The following ALPK2 variants were observed in gnomAD, a reference collection of about 807,000 sequenced individuals.
ALPK2 encodes the protein alpha kinase 2.
Under a neutral mutation model 163.1 loss-of-function variants are expected in ALPK2, and 127 were observed. That is an observed-to-expected ratio of 0.78 (90% CI 0.67 to 0.90). The LOEUF is 0.90. Ranked by LOEUF, ALPK2 falls within the 40% of genes least tolerant of loss-of-function variation. The pLI is 0.00. For missense variants in ALPK2, 2,360 were observed against 2,589.6 expected, an observed-to-expected ratio of 0.91 and a Z score of 1.92; for synonymous variants, 953 against 959.1, an observed-to-expected ratio of 0.99 and a Z score of 0.12.
chr18:58,626,243 C>T (rs941849937), intron 1 of ALPK2, among the ~76,000 whole-genome samples: 1 of 152,142 alleles, frequency 6.6e-6, no homozygotes, highest in Admixed American at 6.5e-5. Context: ...CCCACAAGCC[C>T]GCTTGTGAAT....
intron 12 of ALPK2, among the ~76,000 whole-genome samples, chr18:58,493,749 T>C (rs558556596): frequency 9.9e-5 from 15 of 152,148 alleles, no homozygotes; most frequent in South Asian, 4.1e-4. Context: ...AAGCCACACA[T>C]CCTTAAGCCT....
chr18:58,600,093 G>C (rs1021122984), intron 3 of ALPK2, among the ~76,000 whole-genome samples: 2 of 136,878 alleles, frequency 1.5e-5, no homozygotes, highest in Non-Finnish European at 3.0e-5. Context: ...CTGGAGTGCA[G>C]TGGCATGATC....
intron 10 of ALPK2, among the ~76,000 whole-genome samples, chr18:58,505,298 C>T (rs1001694828): frequency 6.6e-6 from 1 of 152,010 alleles, no homozygotes; most frequent in African/African-American, 2.4e-5. Context: ...ACCTACCTCT[C>T]TCTCTTCAAA....
At chr18:58,568,562 C>T (rs575515263) in intron 4 of ALPK2, among the ~76,000 whole-genome samples, 2 of 152,216 alleles carry the variant, frequency 1.3e-5, no homozygotes, top group South Asian at 2.1e-4. Flanking sequence ...TAAGGACCTC[C>T]GGGGTGGGGC....
intron 4 of ALPK2, among the ~76,000 whole-genome samples, chr18:58,561,489 CCT>C (rs1254757542): frequency 1.1e-4 from 16 of 152,060 alleles, no homozygotes; most frequent in African/African-American, 3.9e-4. Context: ...AAAAGCAGAC[CCT>C]GAGACAAGAA....
At chr18:58,485,970 A>G (rs982961357) in intron 12 of ALPK2, among the ~76,000 whole-genome samples, 19 of 151,944 alleles carry the variant, frequency 1.3e-4, no homozygotes, top group Non-Finnish European at 5.9e-5. Flanking sequence ...AAAATAACTA[A>G]TTCACACTGT....
chr18:58,567,627 A>G (rs1013226473), intron 4 of ALPK2, among the ~76,000 whole-genome samples: 2 of 152,160 alleles, frequency 1.3e-5, no homozygotes, highest in African/African-American at 2.4e-5. Flanking sequence ...ATCGGTCTAC[A>G]AGAGAATGAT....
intron 12 of ALPK2, among the ~76,000 whole-genome samples, chr18:58,485,078 A>G (rs752498946): frequency 9.2e-5 from 14 of 152,218 alleles, no homozygotes; most frequent in Non-Finnish European, 1.5e-4. Flanking sequence ...CAAGACAACA[A>G]GCACAGAGCA....
At chr18:58,568,521 A>AC (rs1463060183) in intron 4 of ALPK2, among the ~76,000 whole-genome samples, 15 of 152,150 alleles carry the variant, frequency 9.9e-5, no homozygotes, top group African/African-American at 3.6e-4. Flanking sequence ...TAAGGCACGC[A>AC]CGCCTGAGCT....
chr18:58,521,817 G>C (rs749952583), intron 8 of ALPK2, among the ~76,000 whole-genome samples: 6 of 151,420 alleles, frequency 4.0e-5, no homozygotes. Flanking sequence ...TAGTAGAGAC[G>C]GGGTTTCACC....
rs912699913 is a variant in ALPK2, at chr18:58,547,111, C to T, written c.1963-8887G>A. On this transcript the variant is annotated intron_variant, in intron 4 of 12. Transcript: ENST00000361673. ...AGTCACCAGGTCTCTCAGAGTCTTT[C>T]TTCCACAGTAAAGTAAGAGTTAGAT... Among the ~76,000 whole-genome samples the T allele has an allele frequency of 3.7e-4, 54 of 144,256 alleles. 1 individual carries two copies. 94.6% of individuals were successfully genotyped at this position (144,256 alleles called of 152,430 possible).
At chr18:58,606,233 C>A (rs1285178239) in intron 3 of ALPK2, among the ~76,000 whole-genome samples, 1 of 152,116 alleles carries the variant, frequency 6.6e-6, no homozygotes, top group Non-Finnish European at 1.5e-5. Context: ...CACGAGCCAC[C>A]ATGCCCAGCT....
At chr18:58,491,409 C>T (rs2051374238) in intron 12 of ALPK2, among the ~76,000 whole-genome samples, 1 of 152,234 alleles carries the variant, frequency 6.6e-6, no homozygotes, top group South Asian at 2.1e-4. Context: ...CTACAAGGTT[C>T]TAAACTTCCC....
chr18:58,524,665 G>A (rs1257089237), intron 6 of ALPK2, among the ~76,000 whole-genome samples: 2 of 152,156 alleles, frequency 1.3e-5, no homozygotes, highest in Non-Finnish European at 2.9e-5. Context: ...GATGCCAATA[G>A]CTAATGTGCA....
At chr18:58,539,948 G>C (rs1430764526) in intron 4 of ALPK2, among the ~76,000 whole-genome samples, 1 of 152,124 alleles carries the variant, frequency 6.6e-6, no homozygotes, top group African/African-American at 2.4e-5. Flanking sequence ...ACTCATATTT[G>C]ATGGGCATAA....
chr18:58,497,643 T>C (rs555702993), intron 12 of ALPK2, among the ~76,000 whole-genome samples: 45 of 152,344 alleles, frequency 3.0e-4, no homozygotes, highest in Admixed American at 1.6e-3. Context: ...TAATTTAAAA[T>C]ATACAAATTG....
intron 4 of ALPK2, among the ~76,000 whole-genome samples, chr18:58,564,902 C>T (rs1225493599): frequency 6.6e-6 from 1 of 152,164 alleles, no homozygotes; most frequent in African/African-American, 2.4e-5. Context: ...CATTTAAAAA[C>T]ATTAATCACC....
chr18:58,572,238 A>G (rs1351688926), intron 4 of ALPK2, among the ~76,000 whole-genome samples: 1 of 152,230 alleles, frequency 6.6e-6, no homozygotes, highest in African/African-American at 2.4e-5. Context: ...ATCAAAAATA[A>G]TGACAATACC....
At chr18:58,512,660 CTGTG>C (rs919525986) in intron 10 of ALPK2, among the ~76,000 whole-genome samples, 13 of 125,538 alleles carry the variant, frequency 1.0e-4, no homozygotes, top group Admixed American at 3.9e-4. Flanking sequence ...TGTGTGTGTG[CTGTG>C]TGTGTGTGTG....
Sources: gnomAD v4.1 joint callset for allele counts (sites outside exome capture counted in the v4.1 genomes callset) on GRCh38, gnomAD v4.1.1 for gene constraint, MANE v1.5 for transcripts, NCBI Gene and HGNC (gene_info 2026-07-23, HGNC 2026-07-21) for gene names.